The following RPH3A variants were observed in gnomAD, a reference collection of about 807,000 sequenced individuals.
RPH3A encodes the protein rabphilin-3A.
RPH3A carries 48 observed loss-of-function variants against 102.2 expected under a neutral mutation model. The ratio of observed to expected loss-of-function variants is 0.47; its 90% CI spans 0.37 to 0.60. The LOEUF (loss-of-function observed/expected upper bound fraction) is 0.60, where lower values mean the gene tolerates loss of function less well. Ranked by LOEUF, RPH3A falls within the 20% of genes least tolerant of loss-of-function variation. The pLI, the probability that RPH3A is intolerant of heterozygous loss-of-function variation, is 0.00. For missense variants in RPH3A, 781 were observed against 910.1 expected, an observed-to-expected ratio of 0.86 and a Z score of 1.83; for synonymous variants, 310 against 324.3, an observed-to-expected ratio of 0.96 and a Z score of 0.47.
At chr12:112,825,821 A>G (rs1350595700) in intron 2 of RPH3A, among the ~76,000 whole-genome samples, 7 of 152,230 alleles carry the variant, frequency 4.6e-5, no homozygotes, top group Non-Finnish European at 1.0e-4. Context: ...AAATTGGGGT[A>G]GTGATAAGAG....
At chr12:112,719,760 G>A (rs1251659950) in intron 1 of RPH3A, among the ~76,000 whole-genome samples, 1 of 152,140 alleles carries the variant, frequency 6.6e-6, no homozygotes, top group African/African-American at 2.4e-5. Flanking sequence ...AGAGAAGATG[G>A]GAGAAGTTGA....
intron 1 of RPH3A, among the ~76,000 whole-genome samples, chr12:112,763,894 T>A (rs976978462): frequency 6.6e-6 from 1 of 152,148 alleles, no homozygotes; most frequent in Non-Finnish European, 1.5e-5. Context: ...ATGAAGCAAG[T>A]GTGTGGTGGT....
chr12:112,896,399 A>G (rs372571353), intron 21 of RPH3A, among the ~76,000 whole-genome samples: 9 of 152,302 alleles, frequency 5.9e-5, no homozygotes, highest in East Asian at 1.9e-4. Flanking sequence ...ATTTGTAGAA[A>G]GCCTTTAAAA....
At chr12:112,754,366 A>AG (rs397736930) in intron 1 of RPH3A, among the ~76,000 whole-genome samples, 6 of 151,644 alleles carry the variant, frequency 4.0e-5, no homozygotes, top group African/African-American at 1.5e-4. Flanking sequence ...AAGCAAATAA[A>AG]CAGAAGGCAT....
At chr12:112,696,271 A>G (rs2040351370) in intron 1 of RPH3A, among the ~76,000 whole-genome samples, 1 of 152,162 alleles carries the variant, frequency 6.6e-6, no homozygotes, top group South Asian at 2.1e-4. Context: ...TATCTTTGCA[A>G]TTGCAAATTG....
chr12:112,845,025 C>T (rs919081294), intron 4 of RPH3A, among the ~76,000 whole-genome samples: 5 of 152,182 alleles, frequency 3.3e-5, no homozygotes, highest in African/African-American at 7.2e-5. Context: ...CACAACATGG[C>T]GGCTGGCCAA....
At chr12:112,584,810 G>A (rs2135960275) in intron 1 of RPH3A, among the ~76,000 whole-genome samples, 1 of 152,286 alleles carries the variant, frequency 6.6e-6, no homozygotes, top group African/African-American at 2.4e-5. Flanking sequence ...GTGTGCAGAG[G>A]GACGGTGTAT....
At chr12:112,711,063 T>C (rs2040457624) in intron 1 of RPH3A, among the ~76,000 whole-genome samples, 1 of 152,160 alleles carries the variant, frequency 6.6e-6, no homozygotes, top group Admixed American at 6.5e-5. Flanking sequence ...AAGAACAGCG[T>C]TTGGGAGAAT....
At chr12:112,825,253 G>A (rs2041847197) in intron 2 of RPH3A, among the ~76,000 whole-genome samples, 2 of 152,210 alleles carry the variant, frequency 1.3e-5, no homozygotes, top group Non-Finnish European at 2.9e-5. Flanking sequence ...CTGGGAAGAT[G>A]ATGTTAACCA....
At chr12:112,709,429 AG>A (rs879374818) in intron 1 of RPH3A, among the ~76,000 whole-genome samples, 10 of 151,998 alleles carry the variant, frequency 6.6e-5, no homozygotes, top group Admixed American at 1.3e-4. Flanking sequence ...GTGTGTCTGT[AG>A]TTCCAGCTAC....
At chr12:112,872,778 C>T (rs1043837947) in intron 10 of RPH3A, among the ~76,000 whole-genome samples, 1 of 152,152 alleles carries the variant, frequency 6.6e-6, no homozygotes, top group African/African-American at 2.4e-5. Flanking sequence ...AGGACAAAGA[C>T]AGTCATAGGA....
intron 3 of RPH3A, among the ~76,000 whole-genome samples, chr12:112,832,937 C>CTTTTTTT (rs71086121): frequency 7.6e-6 from 1 of 131,776 alleles, no homozygotes; most frequent in Admixed American, 7.8e-5. Context: ...TTATTTCACT[C>CTTTTTTT]TTTTTTTTTT....
At chr12:112,719,818 A>G (rs186041312) in intron 1 of RPH3A, among the ~76,000 whole-genome samples, 2 of 152,336 alleles carry the variant, frequency 1.3e-5, no homozygotes, top group Admixed American at 6.5e-5. Context: ...ATCTTGTCAT[A>G]CTGATAGAAG....
At chr12:112,854,378 T>C (rs1217327843) in intron 5 of RPH3A, among the ~76,000 whole-genome samples, 6 of 152,270 alleles carry the variant, frequency 3.9e-5, no homozygotes, top group Admixed American at 3.9e-4. Flanking sequence ...CGGACAACTC[T>C]TATTGGCATC....
chr12:112,674,983 G>T (rs1052137816), intron 1 of RPH3A, among the ~76,000 whole-genome samples: 5 of 152,130 alleles, frequency 3.3e-5, no homozygotes, highest in African/African-American at 9.7e-5. Context: ...TGACGATAAG[G>T]TCCCTGGGGC....
intron 2 of RPH3A, among the ~76,000 whole-genome samples, chr12:112,821,146 G>A (rs1022783761): frequency 6.6e-6 from 1 of 152,220 alleles, no homozygotes; most frequent in Non-Finnish European, 1.5e-5. Context: ...GAATGACCAG[G>A]CGGGCAGGCA....
At chr12:112,789,139 C>T (rs1188855427), upstream of RPH3A, among the ~76,000 whole-genome samples, 2 of 152,158 alleles carry the variant, frequency 1.3e-5, no homozygotes, top group Non-Finnish European at 2.9e-5. Flanking sequence ...GCCTGTGTGA[C>T]AGAGCAAGAC....
intron 1 of RPH3A, among the ~76,000 whole-genome samples, chr12:112,680,930 C>G (rs2040221917): frequency 6.6e-6 from 1 of 151,964 alleles, no homozygotes; most frequent in African/African-American, 2.4e-5. Context: ...TCTTCCTCCC[C>G]CTCTTTCTTC....
chr12:112,593,461 G>A (rs2039493055), intron 1 of RPH3A, among the ~76,000 whole-genome samples: 2 of 152,304 alleles, frequency 1.3e-5, no homozygotes, highest in Admixed American at 6.5e-5. Context: ...GCAGAACCTA[G>A]TCCATCCTGA....
Sources: gnomAD v4.1 joint callset for allele counts (sites outside exome capture counted in the v4.1 genomes callset) on GRCh38, gnomAD v4.1.1 for gene constraint, MANE v1.5 for transcripts, NCBI Gene and HGNC (gene_info 2026-07-23, HGNC 2026-07-21) for gene names.